The following FAM53B variants were observed in gnomAD, a reference collection of about 807,000 sequenced individuals.
The protein encoded by FAM53B is protein FAM53B.
Under a neutral mutation model 32.7 loss-of-function variants are expected in FAM53B, and 12 were observed. That is an observed-to-expected ratio of 0.37 (90% CI 0.24 to 0.59). The LOEUF is 0.59. Ranked by LOEUF, FAM53B falls within the 20% of genes least tolerant of loss-of-function variation. The pLI is 0.72. For missense variants in FAM53B, 477 were observed against 577.7 expected (o/e 0.83, Z 1.79); for synonymous variants, 234 against 228.7 (o/e 1.02, Z -0.21).
chr10:124,669,325 A>C (rs1197106619), intron 4 of FAM53B, among the ~76,000 whole-genome samples: 1 of 152,146 alleles, frequency 6.6e-6, no homozygotes, highest in Non-Finnish European at 1.5e-5. Context: ...AGGACAGCTG[A>C]ACCGCAGTGC....
intron 1 of FAM53B, chr10:124,713,425 G>A (rs574038275): frequency 2.2e-4 from 33 of 152,328 alleles, no homozygotes; most frequent in African/African-American, 7.0e-4. Context: ...TCTTGCTTTT[G>A]TTCTACAGTC....
intron 1 of FAM53B, among the ~76,000 whole-genome samples, chr10:124,719,881 G>A (rs574060420): frequency 1.4e-4 from 21 of 152,262 alleles, no homozygotes; most frequent in East Asian, 1.2e-3. Flanking sequence ...AAACCAACAC[G>A]GCCGGGCACA....
chr10:124,686,905 T>C (rs1949806341), intron 3 of FAM53B, among the ~76,000 whole-genome samples: 1 of 152,248 alleles, frequency 6.6e-6, no homozygotes, highest in South Asian at 2.1e-4. Context: ...CATGTGGCCA[T>C]GTGTGACTCA....
intron 2 of FAM53B, among the ~76,000 whole-genome samples, chr10:124,705,009 G>A (rs1358866317): frequency 1.3e-5 from 2 of 152,232 alleles, no homozygotes; most frequent in Non-Finnish European, 2.9e-5. Flanking sequence ...ACTCCTCGCT[G>A]CAGTGACCAA....
chr10:124,704,885 G>C (rs1035602118), intron 2 of FAM53B, among the ~76,000 whole-genome samples: 8 of 152,322 alleles, frequency 5.3e-5, no homozygotes, highest in Non-Finnish European at 8.8e-5. Flanking sequence ...GAGAACAGCA[G>C]GTGGAACCAG....
intron 1 of FAM53B, among the ~76,000 whole-genome samples, chr10:124,723,766 G>A (rs573315028): frequency 1.3e-5 from 2 of 152,380 alleles, no homozygotes; most frequent in African/African-American, 4.8e-5. Flanking sequence ...CAGTGGGACA[G>A]GGAGGGCCAA....
intron 1 of FAM53B, among the ~76,000 whole-genome samples, chr10:124,720,306 C>CA (rs36053385): frequency 0.61 from 93,290 of 151,738 alleles, 30,008 homozygotes; most frequent in Admixed American, 0.75. Context: ...CTCGTCTTGA[C>CA]AAAAAATAAA....
At chr10:124,725,652 C>A (rs1223270161) in intron 1 of FAM53B, among the ~76,000 whole-genome samples, 1 of 152,126 alleles carries the variant, frequency 6.6e-6, no homozygotes, top group Non-Finnish European at 1.5e-5. Context: ...AAGGCTGCCT[C>A]CGTTAGTATC....
At chr10:124,647,843 A>G (rs1949528986) in intron 4 of FAM53B, among the ~76,000 whole-genome samples, 1 of 152,174 alleles carries the variant, frequency 6.6e-6, no homozygotes, top group Non-Finnish European at 1.5e-5. Flanking sequence ...AGCTCAAGGG[A>G]TGACCCTGGC....
intron 1 of FAM53B, among the ~76,000 whole-genome samples, chr10:124,714,805 C>T (rs1564886214): frequency 6.6e-6 from 1 of 150,798 alleles, no homozygotes; most frequent in Non-Finnish European, 1.5e-5. Flanking sequence ...CAGTACTTTG[C>T]TAGTGCAGAA....
At chr10:124,690,108 A>C (rs971266242) in intron 3 of FAM53B, among the ~76,000 whole-genome samples, 12 of 152,268 alleles carry the variant, frequency 7.9e-5, no homozygotes, top group African/African-American at 2.9e-4. Flanking sequence ...TGATGTACAC[A>C]GCAAAGCGGG....
At chr10:124,720,192 C>T (rs1479626436) in intron 1 of FAM53B, among the ~76,000 whole-genome samples, 2 of 150,636 alleles carry the variant, frequency 1.3e-5, no homozygotes, top group Non-Finnish European at 3.0e-5. Flanking sequence ...AACAAACCAC[C>T]AACACTGGCC....
At chr10:124,687,145 T>C (rs1949807625) in intron 3 of FAM53B, among the ~76,000 whole-genome samples, 1 of 152,162 alleles carries the variant, frequency 6.6e-6, no homozygotes, top group Non-Finnish European at 1.5e-5. Context: ...CAGAAAGCGA[T>C]TTGTTGGGTC....
Position 124,682,165 on chromosome 10 carries a change from T to C in FAM53B, c.348A>G (p.Ser116=), listed in dbSNP as rs1288560323. 6.2e-7 allele frequency: 1 copy of C among 1,613,584 alleles called. No individual in the cohort carries two copies. The highest frequency in any genetic ancestry group is 2.2e-5 in the East Asian group (1 of 44,870). Residue 116 remains serine (S), a synonymous_variant, in exon 4 of 5, where the codon TCA becomes TCG. Coordinates refer to ENST00000337318, the MANE Select transcript of FAM53B (RefSeq NM_014661.4). The surrounding 1 kb of genome is among the most constrained non-coding windows in gnomAD (Gnocchi z 5.2). Reference sequence around the variant, plus strand: ...TGGACATCTCATCGGAGAAGGACAGTGAGCGGCACTGGCGCTTGCTAGGGG... The same window carrying C: ...TGGACATCTCATCGGAGAAGGACAGCGAGCGGCACTGGCGCTTGCTAGGGG... ...SAPPSKRQCR[S]LSFSDEMSSC...
In FAM53B at chr10:124,657,080, ATG is replaced by A. The variant is rs1236706125; in HGVS notation, c.906+24525_906+24526del. Among the ~76,000 whole-genome samples the A allele has an allele frequency of 9.9e-3, 1,277 of 128,462 alleles. 14 individuals carry two copies. Among genetic ancestry groups the A allele is most frequent in the African/African-American group, 0.033 (1,210 of 36,526 alleles). The allele number at this position is 128,462 out of a possible 152,430, so 84.3% of individuals were successfully genotyped here. ...TATATGTATATATATATGTATATAT[ATG>A]TGTGTGTATATATATGTGTATATAT... On this transcript the variant is annotated intron_variant, in intron 4 of 4. Coordinates refer to ENST00000337318, the MANE Select transcript of FAM53B (RefSeq NM_014661.4).
intron 1 of FAM53B, chr10:124,743,025 G>T (rs1380430447): frequency 1.3e-5 from 2 of 152,154 alleles, no homozygotes; most frequent in African/African-American, 2.4e-5. Context: ...GGGGGCGTCC[G>T]AACGCGAGGG....
intron 1 of FAM53B, among the ~76,000 whole-genome samples, chr10:124,708,365 G>A (rs558163316): frequency 1.3e-5 from 2 of 152,200 alleles, no homozygotes; most frequent in African/African-American, 4.8e-5. Context: ...ACTGTTCTTC[G>A]AAAACAAGGT....
At chr10:124,729,423 T>C (rs987301587) in intron 1 of FAM53B, among the ~76,000 whole-genome samples, 29 of 152,204 alleles carry the variant, frequency 1.9e-4, no homozygotes, top group Admixed American at 1.8e-3. Flanking sequence ...GTACGACCTC[T>C]TAAACACAAC....
intron 4 of FAM53B, among the ~76,000 whole-genome samples, chr10:124,640,947 A>AG (rs1431022910): frequency 1.3e-5 from 2 of 152,260 alleles, no homozygotes; most frequent in African/African-American, 4.8e-5. Flanking sequence ...GCCCTCAGCC[A>AG]GATGGGAGGA....
Sources: allele counts gnomAD v4.1 joint callset (sites outside exome capture counted in the v4.1 genomes callset), GRCh38; gene constraint gnomAD v4.1.1; non-coding constraint Gnocchi (gnomAD v3.1); transcripts MANE v1.5; gene names NCBI Gene and HGNC (gene_info 2026-07-23, HGNC 2026-07-21).